The following IKZF3 variants were observed in gnomAD, a reference collection of about 807,000 sequenced individuals.
The protein encoded by IKZF3 is IKAROS family zinc finger 3.
A neutral mutation model predicts 49.0 loss-of-function variants in IKZF3; 10 were observed. The ratio of observed to expected loss-of-function variants is 0.20; its 90% CI spans 0.13 to 0.35. IKZF3 has a LOEUF of 0.35. IKZF3 is among the 10% of genes least tolerant of loss of function. The pLI is 1.00. For synonymous variants in IKZF3, 209 were observed against 228.2 expected (o/e 0.92, Z 0.76); for missense variants, 498 against 664.8 (o/e 0.75, Z 2.76).
chr17:39,842,061 C>CAAAAAAAAAAAAAAA (rs1568050273), intron 1 of IKZF3, among the ~76,000 whole-genome samples: 4 of 14,402 alleles, frequency 2.8e-4, no homozygotes, highest in African/African-American at 5.9e-4. Context: ...AAAAAAAAAC[C>CAAAAAAAAAAAAAAA]AGATAAAATA....
intron 3 of IKZF3, among the ~76,000 whole-genome samples, chr17:39,808,863 T>C (rs938184563): frequency 2.6e-5 from 4 of 152,160 alleles, no homozygotes; most frequent in Admixed American, 1.3e-4. Flanking sequence ...AGAGTAATAA[T>C]GGACCATTAA....
In IKZF3 at chr17:39,864,214, G is replaced by A; in HGVS notation, c.-88C>T. Reference sequence around the variant, plus strand: ...CGTCGCCTGGACTCAGCGCGCAGCTGGCGGGAGATTCCCGGCGCGGGGAGT... The same window carrying A: ...CGTCGCCTGGACTCAGCGCGCAGCTAGCGGGAGATTCCCGGCGCGGGGAGT... On this transcript the variant is annotated 5_prime_UTR_variant, in exon 1 of 8. Coordinates refer to ENST00000346872, the MANE Select transcript of IKZF3 (RefSeq NM_012481.5). The A allele has an allele frequency of 6.7e-7, 1 of 1,483,842 alleles. No individual in the cohort carries two copies. Among genetic ancestry groups the A allele is most frequent in the Non-Finnish European group, 9.1e-7 (1 of 1,095,790 alleles). 91.9% of individuals were successfully genotyped at this position (1,483,842 alleles called of 1,614,324 possible).
chr17:39,822,009 G>A (rs2061821396), intron 3 of IKZF3, among the ~76,000 whole-genome samples: 1 of 152,164 alleles, frequency 6.6e-6, no homozygotes, highest in African/African-American at 2.4e-5. Flanking sequence ...AATCACAGAT[G>A]GCTACACATG....
rs1242207506 is a variant in IKZF3 at position 39,758,356 on chromosome 17, G to C, written c.*7434C>G. On this transcript the variant is annotated 3_prime_UTR_variant, in exon 8 of 8. Transcript: ENST00000346872. ...AGGCCCACCAAAAAGGGCCTTGTCT[G>C]CTAGCCTGGAGTATACATGAGTCAC... 3.3e-5 allele frequency: 5 copies of C among 152,200 alleles called. No individual in the cohort carries two copies. The highest frequency in any genetic ancestry group is 7.4e-5 in the Non-Finnish European group (5 of 68,018). 9.4% of individuals were successfully genotyped at this position (152,200 alleles called of 1,614,324 possible). A position where few individuals can be genotyped will look rare whatever the true frequency, so the allele number is the denominator to read the frequency against.
chr17:39,758,605 AAATAACTC>A lies in IKZF3; in HGVS notation c.*7177_*7184del, dbSNP rs1444420005. ...AGAGATGAACAGTGAGAAACATTTG[AAATAACTC>A]AAGTTTTGGAGCAGCGGGGGGTGGG... On this transcript the variant is annotated 3_prime_UTR_variant, in exon 8 of 8. Coordinates refer to ENST00000346872, the MANE Select transcript of IKZF3 (RefSeq NM_012481.5). The A allele has an allele frequency of 6.6e-6, 1 of 151,766 alleles. No individual in the cohort carries two copies. Among genetic ancestry groups the A allele is most frequent in the African/African-American group, 2.4e-5 (1 of 41,230 alleles). 9.4% of individuals were successfully genotyped at this position (151,766 alleles called of 1,614,324 possible).
At chr17:39,789,064 A>C (rs1382611217) in intron 5 of IKZF3, among the ~76,000 whole-genome samples, 2 of 152,142 alleles carry the variant, frequency 1.3e-5, no homozygotes, top group Non-Finnish European at 2.9e-5. Context: ...CCCAAAGGCC[A>C]CCTTGGCCTC....
At chr17:39,798,664 C>A (rs1379740895) in intron 3 of IKZF3, among the ~76,000 whole-genome samples, 1 of 152,056 alleles carries the variant, frequency 6.6e-6, no homozygotes, top group Non-Finnish European at 1.5e-5. Flanking sequence ...CACCACCATA[C>A]CCAGCTAATT....
chr17:39,799,227 C>T lies in IKZF3; in HGVS notation c.164-6294G>A, dbSNP rs142774605. ...CCACTGCCTCGAGTTAGATGCAGTG[C>T]CCTACATAAAGTAGACATCCCATAA... On this transcript the variant is annotated intron_variant, in intron 3 of 7. Coordinates refer to ENST00000346872, the MANE Select transcript of IKZF3 (RefSeq NM_012481.5). 3.3e-5 allele frequency among the ~76,000 whole-genome samples: 5 copies of T among 152,118 alleles called. No individual in the cohort carries two copies. The East Asian group carries it at 9.6e-4, about 29-fold the overall frequency.
intron 1 of IKZF3, chr17:39,839,625 C>T (rs1169510119): frequency 2.6e-6 from 1 of 384,442 alleles, no homozygotes; most frequent in African/African-American, 2.2e-5. Context: ...ACTCTGTTGC[C>T]CAGGCTGGAG....
At chr17:39,786,663 T>C (rs2143822825) in intron 6 of IKZF3, among the ~76,000 whole-genome samples, 1 of 152,330 alleles carries the variant, frequency 6.6e-6, no homozygotes, top group South Asian at 2.1e-4. Context: ...CTTGCTTTGT[T>C]GCCCAGGTTG....
In IKZF3 at chr17:39,760,670, T is replaced by A. The variant is rs2143494433; in HGVS notation, c.*5120A>T. The A allele has an allele frequency of 6.6e-6, 1 of 151,720 alleles. No homozygotes were observed. The highest frequency in any genetic ancestry group is 3.4e-3 in the Middle Eastern group (1 of 296). The allele number at this position is 151,720 out of a possible 1,614,324, so 9.4% of individuals were successfully genotyped here. On this transcript the variant is annotated 3_prime_UTR_variant, in exon 8 of 8. Transcript: ENST00000346872. ...TCACATTCAGTAGGGCTTGGGGAGGTGGGGGTGGTACAGGAAATAGGAGAA... is the reference window on the plus strand; with the variant it reads ...TCACATTCAGTAGGGCTTGGGGAGGAGGGGGTGGTACAGGAAATAGGAGAA...
In IKZF3 at chr17:39,766,180, G is replaced by A. The variant is rs1433918743; in HGVS notation, c.1140C>T (p.Asn380=). The A allele has an allele frequency of 1.2e-6, 2 of 1,614,024 alleles. No individual in the cohort carries two copies. Among genetic ancestry groups the A allele is most frequent in the Non-Finnish European group, 1.7e-6 (2 of 1,179,966 alleles). ...TGTCCGTGGAGTCGTGGCCACTATTGTTGGGAGAGAGGCCTCTCTCAGAAG... is the reference window on the plus strand; with the variant it reads ...TGTCCGTGGAGTCGTGGCCACTATTATTGGGAGAGAGGCCTCTCTCAGAAG... ...SVPSERGLSP[N]NSGHDSTDTD... Residue 380 remains asparagine (N), a synonymous_variant, in exon 8 of 8, where the codon AAC becomes AAT. Coordinates refer to ENST00000346872, the MANE Select transcript of IKZF3 (RefSeq NM_012481.5).
At chr17:39,796,046 A>T (rs546241805) in intron 3 of IKZF3, among the ~76,000 whole-genome samples, 34 of 152,152 alleles carry the variant, frequency 2.2e-4, no homozygotes, top group Middle Eastern at 3.4e-3. Context: ...CATCTCAAAA[A>T]AGATAAAATA....
intron 7 of IKZF3, among the ~76,000 whole-genome samples, chr17:39,771,913 G>T (rs1412845770): frequency 1.3e-5 from 2 of 149,806 alleles, no homozygotes; most frequent in East Asian, 3.9e-4. Context: ...CTAGGTTTTT[G>T]ATTTTTTTTT....
chr17:39,814,134 A>G (rs1180921424), intron 3 of IKZF3, among the ~76,000 whole-genome samples: 2 of 152,230 alleles, frequency 1.3e-5, no homozygotes, highest in African/African-American at 4.8e-5. Context: ...ATGGGAAGCT[A>G]CTGAAGATGG....
At position 39,864,271 on chromosome 17, in the gene IKZF3, C is replaced by G. The variant is rs913014417; in HGVS notation, c.-145G>C. 1.1e-6 allele frequency: 1 copy of G among 913,454 alleles called. No homozygotes were observed. Among genetic ancestry groups the G allele is most frequent in the Non-Finnish European group, 1.6e-6 (1 of 611,092 alleles). The allele number at this position is 913,454 out of a possible 1,614,324, so 56.6% of individuals were successfully genotyped here. A position where few individuals can be genotyped will look rare whatever the true frequency, so the allele number is the denominator to read the frequency against. ...GATCCGGCAGCCGCGTCGGCGCAGA[C>G]TGAAAAGGGCAGGAGCCGGCGACCT... On this transcript the variant is annotated 5_prime_UTR_variant, in exon 1 of 8. Transcript: ENST00000346872.
chr17:39,820,455 A>G (rs1166018429), intron 3 of IKZF3, among the ~76,000 whole-genome samples: 1 of 152,158 alleles, frequency 6.6e-6, no homozygotes, highest in Non-Finnish European at 1.5e-5. Flanking sequence ...GGGTGGTAGG[A>G]TAGAGGTGGG....
At chr17:39,854,852 G>C (rs1462347149) in intron 1 of IKZF3, among the ~76,000 whole-genome samples, 1 of 152,164 alleles carries the variant, frequency 6.6e-6, no homozygotes, top group Non-Finnish European at 1.5e-5. Context: ...CACATTACAG[G>C]ACAGAAGATA....
intron 3 of IKZF3, among the ~76,000 whole-genome samples, chr17:39,824,885 C>T (rs566043597): frequency 6.6e-6 from 1 of 152,154 alleles, no homozygotes; most frequent in Middle Eastern, 3.4e-3. Context: ...TCAGTAGAGA[C>T]AGGTTTTCAC....
Sources: allele counts gnomAD v4.1 joint callset (sites outside exome capture counted in the v4.1 genomes callset), GRCh38; gene constraint gnomAD v4.1.1; transcripts MANE v1.5; gene names NCBI Gene and HGNC (gene_info 2026-07-23, HGNC 2026-07-21).